Variants in SPECC1 observed in about 807,000 individuals in gnomAD.
The protein encoded by SPECC1 is sperm antigen with calponin homology and coiled-coil domains 1, also known as cytospin-B.
In SPECC1, 62 loss-of-function variants were observed where a neutral mutation model predicts 104.1. The observed-to-expected ratio is 0.60, with a 90% confidence interval of 0.49 to 0.74. The LOEUF (loss-of-function observed/expected upper bound fraction) is 0.74. Among genes scored for constraint, SPECC1 ranks in the 30% least tolerant of loss-of-function variants. The pLI is 0.00. For synonymous variants in SPECC1, 513 were observed against 501.6 expected (o/e 1.02, Z -0.30); for missense variants, 1,306 against 1,310.5 (o/e 1.00, Z 0.05).
intron 1 of SPECC1, among the ~76,000 whole-genome samples, chr17:20,038,556 C>T (rs1474705596): frequency 6.6e-6 from 1 of 151,982 alleles, no homozygotes; most frequent in Non-Finnish European, 1.5e-5. Flanking sequence ...CCCGCCACTG[C>T]GCTTGGCTAC....
At chr17:20,294,919 G>A (rs1866870221) in intron 12 of SPECC1, among the ~76,000 whole-genome samples, 1 of 152,076 alleles carries the variant, frequency 6.6e-6, no homozygotes, top group African/African-American at 2.4e-5. Flanking sequence ...GCAACACCAG[G>A]CCATTCCTGG....
chr17:20,289,860 A>C (rs1336661265), intron 12 of SPECC1, among the ~76,000 whole-genome samples: 1 of 152,110 alleles, frequency 6.6e-6, no homozygotes, highest in Admixed American at 6.5e-5. Flanking sequence ...TATGTCACAA[A>C]CCATAGTTGG....
chr17:20,162,845 T>G (rs1429359330), intron 3 of SPECC1, among the ~76,000 whole-genome samples: 1 of 152,186 alleles, frequency 6.6e-6, no homozygotes, highest in African/African-American at 2.4e-5. Context: ...CTGACCAACA[T>G]GGAGAAGCCT....
intron 3 of SPECC1, among the ~76,000 whole-genome samples, chr17:20,189,699 C>G (rs1429951909): frequency 6.6e-6 from 1 of 152,134 alleles, no homozygotes; most frequent in African/African-American, 2.4e-5. Context: ...CCCCCTCTTT[C>G]TGGAGTGCTG....
intron 1 of SPECC1, among the ~76,000 whole-genome samples, chr17:20,041,054 C>A (rs936920146): frequency 1.3e-5 from 2 of 151,868 alleles, no homozygotes; most frequent in African/African-American, 4.8e-5. Flanking sequence ...ATTCCTCCTG[C>A]TGCTCCTCTT....
chr17:20,080,465 A>G (rs1013502800), intron 1 of SPECC1, among the ~76,000 whole-genome samples: 1 of 152,160 alleles, frequency 6.6e-6, no homozygotes, highest in African/African-American at 2.4e-5. Flanking sequence ...TGCGGGAGCC[A>G]CATCTGGTTG....
In SPECC1 at chr17:20,205,990, C is replaced by T; in HGVS notation, c.1863+78C>T. The stretch of plus-strand genomic sequence containing the variant: ...GCCCTTAACCTCTAAATTCACAGAG[C>T]ACAGAGAAGCATTTGCTTAGTCTGT... On this transcript the variant is annotated intron_variant, in intron 4 of 14. Coordinates refer to ENST00000395527, the MANE Select transcript of SPECC1 (RefSeq NM_001243439.2). 13 of 1,503,150 alleles carry T rather than the reference C, an allele frequency of 8.6e-6. No homozygotes were observed. The South Asian group carries it at 1.7e-4, about 20-fold the overall frequency. 93.1% of individuals were successfully genotyped at this position (1,503,150 alleles called of 1,614,324 possible).
rs2042049774 is a variant in SPECC1, at chr17:20,317,013, G to T, written c.*2948G>T. 4.9e-6 allele frequency: 1 copy of T among 204,244 alleles called. No homozygotes were observed. The highest frequency in any genetic ancestry group is 7.3e-5 in the East Asian group (1 of 13,606). 12.7% of individuals were successfully genotyped at this position (204,244 alleles called of 1,614,324 possible). On this transcript the variant is annotated 3_prime_UTR_variant, in exon 15 of 15. Transcript: ENST00000395527. ...GAAGGAAAGAAACATGAAAGGCCAT[G>T]TACAATTTATTTTTACAACTCCAGG... is the stretch of plus-strand genomic sequence containing the variant.
chr17:20,291,933 G>C (rs529132154), intron 12 of SPECC1, among the ~76,000 whole-genome samples: 3 of 123,324 alleles, frequency 2.4e-5, no homozygotes, highest in African/African-American at 7.8e-5. Context: ...AAACGATCTA[G>C]TATCCGTCAG....
At chr17:20,182,016 TA>T (rs1267931609) in intron 3 of SPECC1, among the ~76,000 whole-genome samples, 3 of 152,172 alleles carry the variant, frequency 2.0e-5, no homozygotes, top group Non-Finnish European at 4.4e-5. Context: ...ATTTAAGTCT[TA>T]GAAAGTGTCT....
At chr17:20,114,469 C>T (rs1434532907) in intron 3 of SPECC1, among the ~76,000 whole-genome samples, 1 of 151,012 alleles carries the variant, frequency 6.6e-6, no homozygotes, top group Non-Finnish European at 1.5e-5. Context: ...AGATTACAGG[C>T]GTGAGTCATG....
chr17:20,030,904 G>C (rs1234373098), intron 1 of SPECC1, among the ~76,000 whole-genome samples: 1 of 151,368 alleles, frequency 6.6e-6, no homozygotes, highest in African/African-American at 2.4e-5. Context: ...GAAAAGTTTT[G>C]TGCTCTCATG....
intron 7 of SPECC1, among the ~76,000 whole-genome samples, chr17:20,240,918 C>T (rs935886121): frequency 4.6e-5 from 7 of 152,178 alleles, no homozygotes; most frequent in African/African-American, 1.4e-4. Flanking sequence ...TGCAGTTTCC[C>T]CTTCACTTTG....
chr17:20,305,204 C>T (rs961531415), intron 13 of SPECC1, among the ~76,000 whole-genome samples: 6 of 151,956 alleles, frequency 3.9e-5, no homozygotes, highest in Admixed American at 6.6e-5. Flanking sequence ...AGTCAGAGAG[C>T]GCCGAGGACT....
In SPECC1 at chr17:20,204,391, T is replaced by C. The variant is rs779742479; in HGVS notation, c.342T>C (p.Thr114=). Residue 114 remains threonine, a synonymous_variant, in exon 4 of 15, where the codon ACT becomes ACC. Coordinates refer to ENST00000395527, the MANE Select transcript of SPECC1 (RefSeq NM_001243439.2). ...GIPAPREFSV[T]VSRERSVPRG... ...CAGCCCCACGGGAATTTTCAGTAAC[T>C]GTCTCAAGAGAGAGGTCTGTGCCAC... The C allele has an allele frequency of 6.2e-6, 10 of 1,614,086 alleles. No homozygotes were observed. The South Asian group carries it at 9.9e-5, about 16-fold the overall frequency.
In SPECC1 at chr17:20,098,860, G is replaced by T. The variant is rs114171877; in HGVS notation, c.147+2062G>T. Among the ~76,000 whole-genome samples the T allele has an allele frequency of 6.6e-3, 1,007 of 152,308 alleles. 10 individuals carry two copies. Among genetic ancestry groups the T allele is most frequent in the African/African-American group, 0.023 (944 of 41,568 alleles). ...AGTAAGCCCCCTGCAGACAGGGACT[G>T]TATGCTTCTTTTTTGTACTCGGCTC... On this transcript the variant is annotated intron_variant, in intron 2 of 14. Coordinates refer to ENST00000395527, the MANE Select transcript of SPECC1 (RefSeq NM_001243439.2).
intron 5 of SPECC1, among the ~76,000 whole-genome samples, chr17:20,229,503 A>G (rs574106111): frequency 1.3e-5 from 2 of 152,242 alleles, no homozygotes; most frequent in Admixed American, 1.3e-4. Context: ...TGTCTTGACA[A>G]AAAAATAAAA....
In SPECC1 at chr17:20,217,051, A is replaced by G. The variant is rs146880576; in HGVS notation, c.1864-10362A>G. On this transcript the variant is annotated intron_variant, in intron 4 of 14. Transcript: ENST00000395527. ...GAGCTGGCCAGCAGAGAGACCAGCAATGTGAATAGGGCCTGGATCCCCTGC... is the reference window on the plus strand; with the variant it reads ...GAGCTGGCCAGCAGAGAGACCAGCAGTGTGAATAGGGCCTGGATCCCCTGC... 3.8e-3 allele frequency among the ~76,000 whole-genome samples: 585 copies of G among 152,218 alleles called. 2 individuals carry two copies. The highest frequency in any genetic ancestry group is 0.012 in the African/African-American group (511 of 41,552).
At chr17:20,281,289 AAAAG>A (rs950554612) in intron 12 of SPECC1, among the ~76,000 whole-genome samples, 7 of 152,166 alleles carry the variant, frequency 4.6e-5, no homozygotes, top group Non-Finnish European at 8.8e-5. Flanking sequence ...GACTTACTAT[AAAAG>A]AAAGAAAGAA....
Sources: gnomAD v4.1 joint callset for allele counts (sites outside exome capture counted in the v4.1 genomes callset) on GRCh38, gnomAD v4.1.1 for gene constraint, MANE v1.5 for transcripts, NCBI Gene and HGNC (gene_info 2026-07-23, HGNC 2026-07-21) for gene names.